MTO1: variants seen among roughly 807,000 people sequenced by gnomAD.
The protein encoded by MTO1 is mitochondrial tRNA translation optimization 1, also known as 5-taurinomethyluridine-[tRNA] synthase subunit MTO1, mitochondrial.
A neutral mutation model predicts 71.6 loss-of-function variants in MTO1; 46 were observed. The observed-to-expected ratio is 0.64, with a 90% CI of 0.51 to 0.82. The LOEUF is 0.82. MTO1 is among the 40% of genes least tolerant of loss of function. The probability of loss-of-function intolerance (pLI) is 0.00; values close to 1 mark genes in which losing one functional copy is unlikely to be tolerated. For missense variants in MTO1, 773 were observed against 867.5 expected (o/e 0.89, Z 1.37); for synonymous variants, 297 against 312.1 (o/e 0.95, Z 0.51).
intron 1 of MTO1, among the ~76,000 whole-genome samples, chr6:73,462,580 T>C (rs1770857344): frequency 6.6e-6 from 1 of 151,758 alleles, no homozygotes; most frequent in African/African-American, 2.4e-5. Context: ...AATACAAAAA[T>C]TAGCCGGGCA....
At chr6:73,471,005 C>T (rs1336787563) in intron 3 of MTO1, among the ~76,000 whole-genome samples, 1 of 152,042 alleles carries the variant, frequency 6.6e-6, no homozygotes, top group African/African-American at 2.4e-5. Flanking sequence ...CTCAACCAGC[C>T]AGTTTTCTTT....
chr6:73,462,153 C>A, intron 1 of MTO1, 82 bp downstream of exon 1: 2 of 1,427,206 alleles, frequency 1.4e-6, no homozygotes, highest in Middle Eastern at 4.8e-4. Flanking sequence ...AGCGGGGGAC[C>A]TCTTCCTTTC....
intron 1 of MTO1, among the ~76,000 whole-genome samples, chr6:73,463,896 C>G (rs190843071): frequency 6.6e-6 from 1 of 151,982 alleles, no homozygotes; most frequent in Non-Finnish European, 1.5e-5. Flanking sequence ...TCTGCCACCA[C>G]GCCCAGCTAA....
chr6:73,462,310 G>A (rs1037278126), intron 1 of MTO1: 12 of 573,832 alleles, frequency 2.1e-5, no homozygotes, highest in Non-Finnish European at 3.7e-5. Flanking sequence ...GTTGTAGGAG[G>A]TTGGGGTTCG....
intron 9 of MTO1, among the ~76,000 whole-genome samples, chr6:73,490,361 G>C (rs1771770450): frequency 6.6e-6 from 1 of 152,126 alleles, no homozygotes; most frequent in African/African-American, 2.4e-5. Context: ...TGAAGTCCTT[G>C]CCCATGCCTA....
intron 9 of MTO1, among the ~76,000 whole-genome samples, chr6:73,483,756 T>G (rs1404939648): frequency 6.6e-6 from 1 of 150,954 alleles, no homozygotes; most frequent in Admixed American, 6.6e-5. Context: ...GTAGTTGGGA[T>G]TACAGGCGCC....
chr6:73,478,362 T>G (rs1305391939), intron 4 of MTO1, among the ~76,000 whole-genome samples: 2 of 151,966 alleles, frequency 1.3e-5, no homozygotes, highest in African/African-American at 4.8e-5. Flanking sequence ...GGAGGATCAC[T>G]TAAGCCTAGG....
rs1187080486 is a variant in MTO1 at position 73,508,264 on chromosome 6, T to C, written c.*7529T>C. On this transcript the variant is annotated 3_prime_UTR_variant, in exon 12 of 12. Coordinates refer to ENST00000498286, the MANE Select transcript of MTO1 (RefSeq NM_012123.4). ...GAAGACAATAATAATTTCTTAGAAT[T>C]TGCTAGGCTAAACAACTATTTTTTA... 6.6e-6 allele frequency: 1 copy of C among 152,190 alleles called. No individual in the cohort carries two copies. Among genetic ancestry groups the C allele is most frequent in the African/African-American group, 2.4e-5 (1 of 41,464 alleles). The allele number at this position is 152,190 out of a possible 1,614,324, so 9.4% of individuals were successfully genotyped here. A position where few individuals can be genotyped will look rare whatever the true frequency, so the allele number is the denominator to read the frequency against.
rs995983590 is a variant in MTO1, at chr6:73,480,612, A to G, written c.1130-63A>G. On this transcript the variant is annotated intron_variant, in intron 6 of 11. Coordinates refer to ENST00000498286, the MANE Select transcript of MTO1 (RefSeq NM_012123.4). ...AAGGGCATTTAAGGGTAATGCTTGC[A>G]TCTCTACCTTGAGCAAATCCAGCTC... The G allele has an allele frequency of 6.3e-6, 10 of 1,587,666 alleles. No homozygotes were observed. In the African/African-American group the frequency reaches 9.4e-5, roughly 15 times the overall value.
chr6:73,480,948 A>G, intron 7 of MTO1, 143 bp downstream of exon 7: 3 of 490,348 alleles, frequency 6.1e-6, no homozygotes, highest in Non-Finnish European at 1.0e-5. Context: ...GTGTTTGGAG[A>G]TGGCTTTTGT....
chr6:73,469,928 C>T (rs933868264), intron 3 of MTO1, among the ~76,000 whole-genome samples: 1 of 151,992 alleles, frequency 6.6e-6, no homozygotes, highest in African/African-American at 2.4e-5. Context: ...CCACTTGAAC[C>T]CTGGAGGTGC....
At chr6:73,462,350 A>AG (rs1554147299) in intron 1 of MTO1, 2 of 511,276 alleles carry the variant, frequency 3.9e-6, no homozygotes, top group Non-Finnish European at 7.0e-6. Context: ...GGGAGCTACC[A>AG]ACTACTCGCT....
rs979762624 is a variant in MTO1 at position 73,507,770 on chromosome 6, A to T, written c.*7035A>T. The T allele has an allele frequency of 6.6e-6, 1 of 152,302 alleles. No individual in the cohort carries two copies. Among genetic ancestry groups the T allele is most frequent in the Non-Finnish European group, 1.5e-5 (1 of 68,106 alleles). 9.4% of individuals were successfully genotyped at this position (152,302 alleles called of 1,614,324 possible). A position where few individuals can be genotyped will look rare whatever the true frequency, so the allele number is the denominator to read the frequency against. On this transcript the variant is annotated 3_prime_UTR_variant, in exon 12 of 12. Coordinates refer to ENST00000498286, the MANE Select transcript of MTO1 (RefSeq NM_012123.4). ...AGGCGGGCGGATCACGAGGTCAGGA[A>T]ATAGAGACCATCCTGGCTAACATGG... is the stretch of plus-strand genomic sequence containing the variant.
rs753873871 is a variant in MTO1, at chr6:73,461,915, C to G, written c.61C>G (p.Pro21Ala). ...GGTTTCCTTCACCAAGCAGCAATTTCCGTTGGCACGGTTGAGCAGTGACAG... is the reference window on the plus strand; with the variant it reads ...GGTTTCCTTCACCAAGCAGCAATTTGCGTTGGCACGGTTGAGCAGTGACAG... ...VAVSFTKQQF[P>A]LARLSSDSAA... is the part of the protein sequence containing the mutation. Residue 21 changes from proline (P) to alanine (A), a missense_variant, in exon 1 of 12, where the codon CCG becomes GCG. Physicochemically the swap from Pro to Ala is conservative, Grantham distance 27 (BLOSUM62 -1). Transcript: ENST00000498286. 5 of 1,614,238 alleles carry G rather than the reference C, an allele frequency of 3.1e-6. No homozygotes were observed. In the East Asian group the frequency reaches 6.7e-5, roughly 22 times the overall value.
chr6:73,493,867 C>A (rs1771906345), intron 10 of MTO1, among the ~76,000 whole-genome samples: 2 of 151,998 alleles, frequency 1.3e-5, no homozygotes, highest in South Asian at 4.1e-4. Flanking sequence ...GTTTATAGAC[C>A]ATCAAAGCCA....
Position 73,466,520 on chromosome 6 carries a change from T to C in MTO1, c.449T>C (p.Val150Ala), listed in dbSNP as rs780861487. Reference sequence around the variant, plus strand: ...ATCTTGAATACACCACTGCTTACTGTTCAGGAGGGAGCTGTAGAAGATCTT... The same window carrying C: ...ATCTTGAATACACCACTGCTTACTGCTCAGGAGGGAGCTGTAGAAGATCTT... ...KEILNTPLLT[V>A]QEGAVEDLIL... The change falls in exon 3 of 12, where the codon GTT (valine) becomes GCT (alanine). Residue 150 changes from valine to alanine, a missense_variant. By Grantham distance (64) the Val-to-Ala change is moderately conservative (BLOSUM62 0). Transcript: ENST00000498286. 2 of 1,614,226 alleles carry C rather than the reference T, an allele frequency of 1.2e-6. No homozygotes were observed. Among genetic ancestry groups the C allele is most frequent in the Non-Finnish European group, 1.7e-6 (2 of 1,180,036 alleles).
chr6:73,478,465 T>C (rs1771393757), intron 4 of MTO1, among the ~76,000 whole-genome samples: 1 of 152,158 alleles, frequency 6.6e-6, no homozygotes, highest in Non-Finnish European at 1.5e-5. Context: ...GTTATCCTGA[T>C]GTATGGCTTC....
intron 3 of MTO1, among the ~76,000 whole-genome samples, chr6:73,471,976 T>G (rs1034215677): frequency 6.6e-6 from 1 of 150,418 alleles, no homozygotes; most frequent in African/African-American, 2.4e-5. Flanking sequence ...ACCTGAAGAA[T>G]AAACCTCCAT....
intron 1 of MTO1, chr6:73,463,988 G>C (rs1337203044): frequency 6.6e-6 from 1 of 152,038 alleles, no homozygotes; most frequent in African/African-American, 2.4e-5. Flanking sequence ...TGATCCACCC[G>C]TGTCAGCCTC....
Sources: allele counts gnomAD v4.1 joint callset (sites outside exome capture counted in the v4.1 genomes callset), GRCh38; gene constraint gnomAD v4.1.1; transcripts MANE v1.5; gene names NCBI Gene and HGNC (gene_info 2026-07-23, HGNC 2026-07-21).